Variants in TRAPPC10 observed in about 807,000 individuals in gnomAD.
The protein encoded by TRAPPC10 is trafficking protein particle complex subunit 10, also known as TRAPP 130 kDa subunit.
In TRAPPC10, 23 loss-of-function variants were observed where a neutral mutation model predicts 125.5. The ratio of observed to expected loss-of-function variants is 0.18; its 90% CI spans 0.13 to 0.26. The LOEUF is 0.26. Among genes scored for constraint, TRAPPC10 ranks in the 10% least tolerant of loss-of-function variants. The pLI, the probability that TRAPPC10 is intolerant of heterozygous loss-of-function variation, is 1.00. For missense variants in TRAPPC10, 1,123 were observed against 1,308.4 expected (o/e 0.86, Z 2.19); for synonymous variants, 509 against 518.0 (o/e 0.98, Z 0.24).
chr21:44,064,005 C>T (rs1229047438), intron 7 of TRAPPC10, among the ~76,000 whole-genome samples: 1 of 152,186 alleles, frequency 6.6e-6, no homozygotes, highest in Non-Finnish European at 1.5e-5. Flanking sequence ...TGTGCCGGTC[C>T]AGAGCAAGCC....
chr21:44,049,393 T>G (rs2035080484), intron 3 of TRAPPC10, among the ~76,000 whole-genome samples: 1 of 152,166 alleles, frequency 6.6e-6, no homozygotes, highest in Non-Finnish European at 1.5e-5. Context: ...ATGACCATCC[T>G]CCTGTCACTG....
intron 3 of TRAPPC10, among the ~76,000 whole-genome samples, chr21:44,045,524 C>T (rs2034724746): frequency 6.6e-6 from 1 of 151,880 alleles, no homozygotes; most frequent in Non-Finnish European, 1.5e-5. Flanking sequence ...ACAAAAGTGG[C>T]TTTTTTTCTT....
At chr21:44,012,899 C>G (rs905747796) in intron 1 of TRAPPC10, among the ~76,000 whole-genome samples, 1 of 151,974 alleles carries the variant, frequency 6.6e-6, no homozygotes. Context: ...CCCCGTTGAG[C>G]CGCGCGCCCG....
chr21:44,065,514 T>A (rs2036380688), intron 7 of TRAPPC10, among the ~76,000 whole-genome samples: 1 of 152,202 alleles, frequency 6.6e-6, no homozygotes. Flanking sequence ...GAGTTCTGCA[T>A]CTCCAGTGAG....
intron 3 of TRAPPC10, among the ~76,000 whole-genome samples, chr21:44,038,928 C>T (rs575345875): frequency 5.9e-5 from 9 of 152,302 alleles, no homozygotes; most frequent in South Asian, 2.1e-4. Context: ...AAGCCTCTGC[C>T]GGAGACTCTG....
intron 12 of TRAPPC10, 38 bp from the exon 13 acceptor site, chr21:44,079,977 G>C (rs1302637049): frequency 6.3e-7 from 1 of 1,575,008 alleles, no homozygotes; most frequent in Admixed American, 1.7e-5. Flanking sequence ...GCACTCCTAA[G>C]TATGAGCCTC....
chr21:44,087,857 A>G lies in TRAPPC10; in HGVS notation c.2698A>G (p.Met900Val). ...ALGGESDMLG[M>V]AEPHRKHKDK... ...CGGAGGGGAGAGTGACATGCTGGGG[A>G]TGGCAGAGCCCCACAGGAAGCATAA... Residue 900 changes from methionine (M) to valine (V), a missense_variant, in exon 17 of 23, where the codon ATG (methionine) becomes GTG (valine). Physicochemically the swap from Met to Val is conservative, Grantham distance 21. Coordinates refer to ENST00000291574, the MANE Select transcript of TRAPPC10 (RefSeq NM_003274.5). The surrounding 1 kb of genome is among the most constrained non-coding windows in gnomAD (Gnocchi z 4.6). 6.2e-7 allele frequency: 1 copy of G among 1,614,180 alleles called. No homozygotes were observed. Among genetic ancestry groups the G allele is most frequent in the Non-Finnish European group, 8.5e-7 (1 of 1,180,014 alleles).
intron 3 of TRAPPC10, chr21:44,046,754 T>A (rs192729501): frequency 4.8e-6 from 2 of 418,756 alleles, no homozygotes; most frequent in Non-Finnish European, 8.9e-6. Flanking sequence ...GCGATCCTCC[T>A]GCCTTAGCCT....
intron 1 of TRAPPC10, among the ~76,000 whole-genome samples, chr21:44,029,739 C>T (rs2033409957): frequency 6.6e-6 from 1 of 152,202 alleles, no homozygotes; most frequent in African/African-American, 2.4e-5. Flanking sequence ...TCCTGCGTTC[C>T]TTCTGTCTGT....
At chr21:44,034,931 A>G (rs1440861776) in intron 2 of TRAPPC10, among the ~76,000 whole-genome samples, 1 of 152,224 alleles carries the variant, frequency 6.6e-6, no homozygotes, top group African/African-American at 2.4e-5. Context: ...AGAGGGAACT[A>G]AGCCCACCCA....
chr21:44,084,870 C>T (rs572343734), intron 15 of TRAPPC10, among the ~76,000 whole-genome samples: 18 of 152,276 alleles, frequency 1.2e-4, no homozygotes, highest in African/African-American at 4.1e-4. Context: ...AACAGGTTGA[C>T]TGGATTATTA....
At chr21:44,030,304 G>A (rs186336545) in intron 1 of TRAPPC10, among the ~76,000 whole-genome samples, 6 of 152,222 alleles carry the variant, frequency 3.9e-5, no homozygotes, top group Non-Finnish European at 8.8e-5. Flanking sequence ...AGAGGAGAAA[G>A]CGATTCCATT....
rs553832925 is a variant in TRAPPC10, at chr21:44,015,177, T to C, written c.67+2617T>C. Reference sequence around the variant, plus strand: ...GGTATTACCTCAGATCTGTTCATTTTAAAATGAAAGTAGAGTTTATGCATG... The same window carrying C: ...GGTATTACCTCAGATCTGTTCATTTCAAAATGAAAGTAGAGTTTATGCATG... On this transcript the variant is annotated intron_variant, in intron 1 of 22. Transcript: ENST00000291574. 3.1e-3 allele frequency among the ~76,000 whole-genome samples: 466 copies of C among 152,356 alleles called. 2 individuals carry two copies. The highest frequency in any genetic ancestry group is 0.011 in the African/African-American group (441 of 41,576).
At chr21:44,101,449 C>A (rs538692167) in intron 21 of TRAPPC10, among the ~76,000 whole-genome samples, 1 of 45,152 alleles carries the variant, frequency 2.2e-5, no homozygotes, top group African/African-American at 4.5e-5. Flanking sequence ...ACACCGCAGA[C>A]ATCTGAACTG....
intron 19 of TRAPPC10, among the ~76,000 whole-genome samples, chr21:44,092,660 C>G (rs2038666913): frequency 6.6e-6 from 1 of 152,094 alleles, no homozygotes; most frequent in Non-Finnish European, 1.5e-5. Flanking sequence ...GGGCTCATCA[C>G]TGTGCTTTTA....
intron 5 of TRAPPC10, among the ~76,000 whole-genome samples, 178 bp from the exon 6 acceptor site, chr21:44,058,925 T>G (rs1161392401): frequency 4.6e-5 from 7 of 152,196 alleles, no homozygotes; most frequent in Non-Finnish European, 8.8e-5. Context: ...TTTCCTAGCT[T>G]CTTGTGCATG....
Position 44,013,731 on chromosome 21 carries a change from T to C in TRAPPC10, c.67+1171T>C, listed in dbSNP as rs573486595. ...TCTCTTCTCCTCTCCTCCTCTCTCTTTTTTTTCTACAGAGACCTAGACGAG... is the reference window on the plus strand; with the variant it reads ...TCTCTTCTCCTCTCCTCCTCTCTCTCTTTTTTCTACAGAGACCTAGACGAG... On this transcript the variant is annotated intron_variant, in intron 1 of 22. Transcript: ENST00000291574. 4.6e-5 allele frequency among the ~76,000 whole-genome samples: 7 copies of C among 152,328 alleles called. No homozygotes were observed. In the South Asian group the frequency reaches 1.0e-3, roughly 23 times the overall value.
chr21:44,074,550 AG>A, intron 8 of TRAPPC10, 80 bp downstream of exon 8: 1 of 1,579,766 alleles, frequency 6.3e-7, no homozygotes, highest in South Asian at 1.1e-5. Context: ...TGCTGTTTGG[AG>A]GAGAGGTGTT....
chr21:44,084,643 G>A (rs533825624), intron 15 of TRAPPC10, among the ~76,000 whole-genome samples: 14 of 152,268 alleles, frequency 9.2e-5, no homozygotes, highest in African/African-American at 2.9e-4. Context: ...GCAAGCAGTC[G>A]GTCCTGCAAT....
Sources: gnomAD v4.1 joint callset for allele counts (sites outside exome capture counted in the v4.1 genomes callset) on GRCh38, gnomAD v4.1.1 for gene constraint, Gnocchi (gnomAD v3.1) non-coding constraint, MANE v1.5 for transcripts, NCBI Gene and HGNC (gene_info 2026-07-23, HGNC 2026-07-21) for gene names.